The following ATXN7L1 variants were observed in gnomAD, a reference collection of about 807,000 sequenced individuals.
The protein encoded by ATXN7L1 is ataxin 7 like 1.
In ATXN7L1, 15 loss-of-function variants were observed where a neutral mutation model predicts 70.8. The observed-to-expected ratio is 0.21, with a 90% CI of 0.14 to 0.33. The LOEUF (loss-of-function observed/expected upper bound fraction) is 0.33. Among genes scored for constraint, ATXN7L1 ranks in the 10% least tolerant of loss-of-function variants. ATXN7L1 has a pLI of 1.00. For missense variants in ATXN7L1, 975 were observed against 1,097.1 expected (o/e 0.89, Z 1.57); for synonymous variants, 440 against 445.1 (o/e 0.99, Z 0.14).
chr7:105,641,919 A>C (rs1024807296), intron 5 of ATXN7L1, among the ~76,000 whole-genome samples: 1 of 152,260 alleles, frequency 6.6e-6, no homozygotes, highest in African/African-American at 2.4e-5. Context: ...CAGAGTAGAC[A>C]ATAAAAATTA....
At chr7:105,804,512 G>C (rs1436987954) in intron 2 of ATXN7L1, among the ~76,000 whole-genome samples, 8 of 152,186 alleles carry the variant, frequency 5.3e-5, no homozygotes, top group Admixed American at 4.6e-4. Context: ...AAGCATTTCA[G>C]GGTAGCCCTA....
intron 7 of ATXN7L1, among the ~76,000 whole-genome samples, chr7:105,638,012 TCA>T (rs1296844822): frequency 1.3e-5 from 2 of 152,202 alleles, no homozygotes; most frequent in African/African-American, 2.4e-5. Flanking sequence ...GGCTGATGTG[TCA>T]CAGTTTCAGG....
intron 3 of ATXN7L1, among the ~76,000 whole-genome samples, chr7:105,772,758 T>A (rs1049802095): frequency 6.6e-6 from 1 of 152,150 alleles, no homozygotes; most frequent in African/African-American, 2.4e-5. Flanking sequence ...ATGAATAAGA[T>A]TTAAACAAAA....
chr7:105,851,047 G>A (rs376966429), intron 2 of ATXN7L1, among the ~76,000 whole-genome samples: 10 of 151,984 alleles, frequency 6.6e-5, no homozygotes, highest in African/African-American at 1.9e-4. Flanking sequence ...ATTCTGGCTC[G>A]TTTTTTATGT....
chr7:105,680,452 T>C (rs1805386324), intron 3 of ATXN7L1, among the ~76,000 whole-genome samples: 1 of 152,208 alleles, frequency 6.6e-6, no homozygotes, highest in South Asian at 2.1e-4. Context: ...TTGAGGAGAA[T>C]TCATCAGTTT....
At chr7:105,646,890 G>A (rs1013215514) in intron 4 of ATXN7L1, among the ~76,000 whole-genome samples, 4 of 152,058 alleles carry the variant, frequency 2.6e-5, no homozygotes, top group African/African-American at 9.7e-5. Flanking sequence ...GCTGCAGAGA[G>A]CTAGGATTGT....
At chr7:105,613,477 G>C in intron 10 of ATXN7L1, 11 of 1,098,506 alleles carry the variant, frequency 1.0e-5, no homozygotes, top group Non-Finnish European at 1.2e-5. Context: ...AAACCTCTTA[G>C]CAACAGAACT....
chr7:105,853,749 G>A (rs1197614155), intron 2 of ATXN7L1, among the ~76,000 whole-genome samples: 2 of 152,144 alleles, frequency 1.3e-5, no homozygotes, highest in Non-Finnish European at 2.9e-5. Flanking sequence ...GGGCAACAGA[G>A]CGAGACTCTG....
At chr7:105,685,640 C>T (rs114790256) in intron 3 of ATXN7L1, among the ~76,000 whole-genome samples, 1 of 152,118 alleles carries the variant, frequency 6.6e-6, no homozygotes, top group Non-Finnish European at 1.5e-5. Context: ...CTCCATGGTC[C>T]CCTTGTTGAG....
chr7:105,621,767 C>G (rs1161363887), intron 8 of ATXN7L1, among the ~76,000 whole-genome samples: 4 of 152,200 alleles, frequency 2.6e-5, no homozygotes, highest in African/African-American at 9.6e-5. Flanking sequence ...AGCTCCCTGG[C>G]CTCTCTCCCA....
At chr7:105,849,656 T>A (rs567094981) in intron 2 of ATXN7L1, among the ~76,000 whole-genome samples, 1 of 152,352 alleles carries the variant, frequency 6.6e-6, no homozygotes, top group African/African-American at 2.4e-5. Flanking sequence ...TCCTTCTAAG[T>A]GAAGTGAACA....
chr7:105,779,633 G>A (rs1420098265), intron 3 of ATXN7L1, among the ~76,000 whole-genome samples: 1 of 152,018 alleles, frequency 6.6e-6, no homozygotes, highest in Admixed American at 6.6e-5. Flanking sequence ...TAGGGATGGT[G>A]GAAAAATGAA....
intron 2 of ATXN7L1, among the ~76,000 whole-genome samples, chr7:105,814,614 TTCC>T (rs1808927017): frequency 6.6e-6 from 1 of 152,186 alleles, no homozygotes; most frequent in Admixed American, 6.5e-5. Context: ...TCTTAATTCC[TTCC>T]TCATTACACA....
intron 2 of ATXN7L1, among the ~76,000 whole-genome samples, chr7:105,811,401 T>A (rs150082969): frequency 4.6e-5 from 7 of 152,280 alleles, no homozygotes; most frequent in Non-Finnish European, 1.0e-4. Context: ...ACTTTGGACT[T>A]TGGTCTCCAG....
At chr7:105,791,619 T>C (rs1388873175) in intron 2 of ATXN7L1, among the ~76,000 whole-genome samples, 3 of 152,328 alleles carry the variant, frequency 2.0e-5, no homozygotes, top group Admixed American at 2.0e-4. Flanking sequence ...TCTCCGAAGA[T>C]ACATTTGAAA....
intron 2 of ATXN7L1, among the ~76,000 whole-genome samples, chr7:105,849,876 G>A (rs971346164): frequency 6.6e-6 from 1 of 152,210 alleles, no homozygotes; most frequent in African/African-American, 2.4e-5. Flanking sequence ...TGCACCTTCT[G>A]AGGCTACCAC....
intron 3 of ATXN7L1, among the ~76,000 whole-genome samples, chr7:105,736,514 G>A (rs1028473755): frequency 1.3e-5 from 2 of 152,172 alleles, no homozygotes; most frequent in African/African-American, 2.4e-5. Flanking sequence ...CAGTTTTGTG[G>A]AACACGTTTA....
intron 3 of ATXN7L1, among the ~76,000 whole-genome samples, chr7:105,784,797 G>C (rs969338504): frequency 6.6e-6 from 1 of 152,172 alleles, no homozygotes; most frequent in Non-Finnish European, 1.5e-5. Flanking sequence ...ACAGTTAGTG[G>C]GGGAGTCGTG....
chr7:105,678,137 CT>C, intron 3 of ATXN7L1: 1 of 451,648 alleles, frequency 2.2e-6, no homozygotes, highest in Non-Finnish European at 2.9e-6. Context: ...TCTCTCCCTT[CT>C]TTAGAAGCAA....
Sources: allele counts gnomAD v4.1 joint callset (sites outside exome capture counted in the v4.1 genomes callset), GRCh38; gene constraint gnomAD v4.1.1; transcripts MANE v1.5; gene names NCBI Gene and HGNC (gene_info 2026-07-23, HGNC 2026-07-21).